The following ST8SIA2 variants were observed in gnomAD, a reference collection of about 807,000 sequenced individuals.
ST8SIA2 encodes the protein ST8 alpha-N-acetyl-neuraminide alpha-2,8-sialyltransferase 2.
ST8SIA2 carries 22 observed loss-of-function variants against 37.6 expected under a neutral mutation model. The observed-to-expected ratio is 0.58, with a 90% CI of 0.42 to 0.83. The LOEUF (loss-of-function observed/expected upper bound fraction) is 0.83. Among genes scored for constraint, ST8SIA2 ranks in the 40% least tolerant of loss-of-function variants. ST8SIA2 has a pLI of 0.00. For synonymous variants in ST8SIA2, 205 were observed against 201.2 expected, an observed-to-expected ratio of 1.02 and a Z score of -0.16; for missense variants, 382 against 484.7, an observed-to-expected ratio of 0.79 and a Z score of 1.99.
At chr15:92,416,661 A>G (rs768326082) in intron 1 of ST8SIA2, among the ~76,000 whole-genome samples, 2 of 152,162 alleles carry the variant, frequency 1.3e-5, no homozygotes, top group Admixed American at 1.3e-4. Context: ...TCCAGGAGAC[A>G]TGGGGACATA....
chr15:92,468,239 T>A lies in ST8SIA2; in HGVS notation c.*3854T>A, dbSNP rs1249467599. ...CCGTTGCACACAAACCTTTAAAAGTTCCCCGGCCCGTGAACAAATGTACAA... is the reference window on the plus strand; with the variant it reads ...CCGTTGCACACAAACCTTTAAAAGTACCCCGGCCCGTGAACAAATGTACAA... On this transcript the variant is annotated 3_prime_UTR_variant, in exon 6 of 6. Transcript: ENST00000268164. The A allele has an allele frequency of 6.6e-6, 1 of 152,568 alleles. No individual in the cohort carries two copies. 9.5% of individuals were successfully genotyped at this position (152,568 alleles called of 1,614,324 possible). A position where few individuals can be genotyped will look rare whatever the true frequency, so the allele number is the denominator to read the frequency against.
chr15:92,434,211 T>C (rs367824459), intron 2 of ST8SIA2, 36 bp from the exon 3 acceptor site: 6 of 1,612,902 alleles, frequency 3.7e-6, no homozygotes, highest in Middle Eastern at 3.3e-4. Flanking sequence ...TGCTAACACA[T>C]CATGTCTACC....
At chr15:92,457,690 A>C (rs758169826) in intron 5 of ST8SIA2, among the ~76,000 whole-genome samples, 25 of 152,194 alleles carry the variant, frequency 1.6e-4, no homozygotes, top group Non-Finnish European at 3.1e-4. Context: ...GGAGAGATAA[A>C]GGAAATCGAG....
chr15:92,428,389 C>T (rs1323486384), intron 1 of ST8SIA2, among the ~76,000 whole-genome samples: 1 of 152,172 alleles, frequency 6.6e-6, no homozygotes, highest in African/African-American at 2.4e-5. Context: ...AACTCAACCA[C>T]CAGATCATTA....
intron 1 of ST8SIA2, among the ~76,000 whole-genome samples, chr15:92,399,575 A>G (rs934639115): frequency 6.6e-6 from 1 of 152,162 alleles, no homozygotes; most frequent in Non-Finnish European, 1.5e-5. Flanking sequence ...TGTAAGAAGT[A>G]CACGTTTGCT....
chr15:92,426,561 G>C, intron 1 of ST8SIA2, among the ~76,000 whole-genome samples: 1 of 152,172 alleles, frequency 6.6e-6, no homozygotes, highest in East Asian at 1.9e-4. Context: ...GCTGGAAGCA[G>C]GAAAAGAGAA....
chr15:92,423,472 G>A (rs551841353), intron 1 of ST8SIA2, among the ~76,000 whole-genome samples: 1 of 152,352 alleles, frequency 6.6e-6, no homozygotes, highest in East Asian at 1.9e-4. Flanking sequence ...TGCTATGACA[G>A]AGTATCACAG....
chr15:92,442,036 C>T (rs1336815772), intron 4 of ST8SIA2, among the ~76,000 whole-genome samples: 1 of 152,200 alleles, frequency 6.6e-6, no homozygotes, highest in Non-Finnish European at 1.5e-5. Flanking sequence ...TTTGGGAGGC[C>T]TGGCCTACTG....
At chr15:92,461,057 G>A (rs1456485580) in intron 5 of ST8SIA2, among the ~76,000 whole-genome samples, 1 of 152,158 alleles carries the variant, frequency 6.6e-6, no homozygotes, top group East Asian at 1.9e-4. Flanking sequence ...GCATGAAATG[G>A]GCCTTTCAAA....
intron 3 of ST8SIA2, among the ~76,000 whole-genome samples, chr15:92,435,456 C>T (rs774748332): frequency 2.0e-5 from 3 of 151,970 alleles, no homozygotes; most frequent in Admixed American, 6.5e-5. Context: ...AAGGTTGGGA[C>T]GATAGGCAGG....
intron 1 of ST8SIA2, among the ~76,000 whole-genome samples, chr15:92,416,974 T>G (rs551793276): frequency 2.0e-5 from 3 of 152,284 alleles, no homozygotes; most frequent in East Asian, 3.9e-4. Flanking sequence ...AAAACCAACT[T>G]ACCCAAGGAC....
intron 2 of ST8SIA2, among the ~76,000 whole-genome samples, chr15:92,433,842 C>A (rs2049734754): frequency 1.3e-5 from 2 of 152,162 alleles, no homozygotes; most frequent in South Asian, 4.1e-4. Flanking sequence ...GGTATGAGTT[C>A]TTGTTTTCTC....
At chr15:92,432,986 C>T (rs568090099) in intron 2 of ST8SIA2, among the ~76,000 whole-genome samples, 28 of 152,062 alleles carry the variant, frequency 1.8e-4, no homozygotes, top group Admixed American at 1.2e-3. Context: ...AAAAATTAGC[C>T]GGGTGTGGTG....
At position 92,413,039 on chromosome 15, in the gene ST8SIA2, G is replaced by A. The variant is rs184383291; in HGVS notation, c.99-17010G>A. Among the ~76,000 whole-genome samples the A allele has an allele frequency of 3.0e-3, 460 of 151,698 alleles. 4 individuals are homozygous for A. Among genetic ancestry groups the A allele is most frequent in the African/African-American group, 0.011 (436 of 41,378 alleles). On this transcript the variant is annotated intron_variant, in intron 1 of 5. Transcript: ENST00000268164. The stretch of plus-strand genomic sequence containing the variant: ...GTTCCTTTGCTGGCTGGTGGGGGGT[G>A]TAGGGTGGGGAGGGGGGTGAGTGTG...
chr15:92,404,986 C>T (rs1043124865), intron 1 of ST8SIA2, among the ~76,000 whole-genome samples: 9 of 151,754 alleles, frequency 5.9e-5, no homozygotes, highest in East Asian at 1.9e-4. Context: ...AGATGCTGGG[C>T]GTGGTGGCTC....
chr15:92,422,493 C>T (rs1596236484), intron 1 of ST8SIA2: 1 of 152,278 alleles, frequency 6.6e-6, no homozygotes, highest in African/African-American at 2.4e-5. Flanking sequence ...GACAAGGACT[C>T]GGGCAACTGC....
At position 92,464,219 on chromosome 15, in the gene ST8SIA2, AT is replaced by A. The variant is rs2049976778; in HGVS notation, c.963del (p.Gln322ArgfsTer43). 6.2e-7 allele frequency: 1 copy of A among 1,613,740 alleles called. No homozygotes were observed. The highest frequency in any genetic ancestry group is 8.5e-7 in the Non-Finnish European group (1 of 1,179,992). On this transcript the variant is annotated frameshift_variant, in exon 6 of 6. Coordinates refer to ENST00000268164, the MANE Select transcript of ST8SIA2 (RefSeq NM_006011.4). LOFTEE classifies it high-confidence loss of function. ...YLYGFWPFPL[D>X]QNQNPVKYHY... ...TACGGCTTCTGGCCCTTTCCGCTGG[AT>A]CAGAACCAGAACCCAGTCAAGTACC...
At chr15:92,407,343 G>C (rs754377191) in intron 1 of ST8SIA2, among the ~76,000 whole-genome samples, 1 of 152,218 alleles carries the variant, frequency 6.6e-6, no homozygotes, top group African/African-American at 2.4e-5. Context: ...GATCTTAACC[G>C]AGGGTTGAAG....
At chr15:92,454,483 C>G (rs1024684468) in intron 5 of ST8SIA2, among the ~76,000 whole-genome samples, 4 of 152,042 alleles carry the variant, frequency 2.6e-5, no homozygotes, top group African/African-American at 9.7e-5. Flanking sequence ...GAAATTCAAC[C>G]CATAACAGCT....
Sources: gnomAD v4.1 joint callset for allele counts (sites outside exome capture counted in the v4.1 genomes callset) on GRCh38, gnomAD v4.1.1 for gene constraint, MANE v1.5 for transcripts, NCBI Gene and HGNC (gene_info 2026-07-23, HGNC 2026-07-21) for gene names.